Variants in ANKS1A observed in about 807,000 individuals in gnomAD.
The protein encoded by ANKS1A is ankyrin repeat and sterile alpha motif domain containing 1A, also known as ankyrin repeat and SAM domain-containing protein 1A.
In ANKS1A, 55 loss-of-function variants were observed where a neutral mutation model predicts 120.3. The ratio of observed to expected loss-of-function variants is 0.46; its 90% CI spans 0.37 to 0.57. The LOEUF is 0.57. ANKS1A is among the 20% of genes least tolerant of loss of function. The probability of loss-of-function intolerance (pLI) is 0.00; values close to 1 mark genes in which losing one functional copy is unlikely to be tolerated. For missense variants in ANKS1A, 1,123 were observed against 1,480.3 expected (o/e 0.76, Z 3.96); for synonymous variants, 590 against 604.7 (o/e 0.98, Z 0.36).
intron 13 of ANKS1A, among the ~76,000 whole-genome samples, chr6:35,072,898 G>A (rs1276115833): frequency 6.6e-6 from 1 of 152,172 alleles, no homozygotes; most frequent in Non-Finnish European, 1.5e-5. Context: ...CTTTGCTTTT[G>A]TCTTCAGTAC....
intron 8 of ANKS1A, among the ~76,000 whole-genome samples, chr6:34,987,591 G>A (rs948822396): frequency 6.6e-6 from 1 of 152,156 alleles, no homozygotes; most frequent in African/African-American, 2.4e-5. Flanking sequence ...AGCTTTGTTT[G>A]GCTTGAACAT....
At chr6:34,927,458 G>T (rs1368524927) in intron 1 of ANKS1A, among the ~76,000 whole-genome samples, 1 of 152,146 alleles carries the variant, frequency 6.6e-6, no homozygotes, top group African/African-American at 2.4e-5. Flanking sequence ...TTTATACAGG[G>T]GCACCAGATG....
intron 1 of ANKS1A, among the ~76,000 whole-genome samples, chr6:34,912,519 A>G (rs766086864): frequency 1.3e-5 from 2 of 152,210 alleles, no homozygotes; most frequent in Non-Finnish European, 2.9e-5. Context: ...GTTCAACAGC[A>G]CACTGTTGGG....
Position 35,017,467 on chromosome 6 carries a change from T to TCCAAGA in ANKS1A, c.1424-2_1427dup, listed in dbSNP as rs756971486. 6.3e-7 allele frequency: 1 copy of TCCAAGA among 1,596,982 alleles called. No homozygotes were observed. ...TTTATTTCTCTGTCTCTCCGTCCAC[T>TCCAAGA]CCAAGACCACAGGCGGAGCAGCAGC... On this transcript the variant is annotated splice_polypyrimidine_tract_variant and splice_region_variant and intron_variant, in intron 10 of 23. Transcript: ENST00000360359.
At chr6:35,045,983 C>T (rs1196551297) in intron 11 of ANKS1A, among the ~76,000 whole-genome samples, 1 of 152,198 alleles carries the variant, frequency 6.6e-6, no homozygotes, top group African/African-American at 2.4e-5. Context: ...GTTCACATAG[C>T]TTTCACATAC....
chr6:35,087,416 C>T (rs1016174618), intron 23 of ANKS1A, among the ~76,000 whole-genome samples: 10 of 152,216 alleles, frequency 6.6e-5, no homozygotes, highest in East Asian at 3.9e-4. Context: ...AGGATCCCAA[C>T]GGCACTGATA....
At chr6:35,015,023 C>T (rs547912740) in intron 10 of ANKS1A, among the ~76,000 whole-genome samples, 2 of 152,302 alleles carry the variant, frequency 1.3e-5, no homozygotes, top group Admixed American at 6.5e-5. Flanking sequence ...AGCCATGAGT[C>T]GTGGCTTCCT....
Position 35,086,142 on chromosome 6 carries a change from C to T in ANKS1A, c.3303+206C>T, listed in dbSNP as rs539358376. On this transcript the variant is annotated intron_variant, in intron 22 of 23. Transcript: ENST00000360359. This position sits in a 1 kb window ranked among gnomAD's most constrained non-coding sequence, Gnocchi z 5.1. ...CTGGCCTGGGCGGGCCTCTCATGCT[C>T]CTGTTTCCCTCCCTCGCTGGGCTCC... The T allele has an allele frequency of 4.9e-5, 58 of 1,182,232 alleles. No homozygotes were observed. The African/African-American group carries it at 6.7e-4, about 14-fold the overall frequency. 73.2% of individuals were successfully genotyped at this position (1,182,232 alleles called of 1,614,324 possible).
chr6:34,930,967 C>T (rs847856), intron 1 of ANKS1A, among the ~76,000 whole-genome samples: 2 of 151,290 alleles, frequency 1.3e-5, no homozygotes, highest in South Asian at 4.2e-4. Context: ...ACCTCTGCCC[C>T]CTGGGTTCAA....
intron 11 of ANKS1A, among the ~76,000 whole-genome samples, chr6:35,037,107 T>C (rs904452692): frequency 6.6e-6 from 1 of 152,362 alleles, no homozygotes; most frequent in South Asian, 2.1e-4. Flanking sequence ...AAGTTTTATC[T>C]GACATATTTA....
At chr6:34,915,521 A>T (rs953648536) in intron 1 of ANKS1A, among the ~76,000 whole-genome samples, 24 of 151,702 alleles carry the variant, frequency 1.6e-4, no homozygotes, top group African/African-American at 5.1e-4. Context: ...TAATTTTTAA[A>T]TTTTTTCTAG....
At chr6:35,049,532 G>C (rs1476393061) in intron 11 of ANKS1A, among the ~76,000 whole-genome samples, 1 of 152,202 alleles carries the variant, frequency 6.6e-6, no homozygotes. Context: ...GAAGAGGCGA[G>C]GTGGAAGGTG....
At chr6:35,093,996 G>C (rs911760259), downstream of ANKS1A, among the ~76,000 whole-genome samples, 2 of 152,204 alleles carry the variant, frequency 1.3e-5, no homozygotes, top group Non-Finnish European at 2.9e-5. Flanking sequence ...GGAGTCAGTG[G>C]AAACTACAGG....
rs200293228 is a variant in ANKS1A, at chr6:34,983,121, G to A, written c.817G>A (p.Val273Ile). ...CTGGTGTGCCTTTCTAGGAACTGAC[G>A]TCAACATAAAAGATAACCATGGACT... ...VQILLAAGTDVNIKDNHGLTA... is the reference protein window; with the variant it reads ...VQILLAAGTDINIKDNHGLTA... The change falls in exon 6 of 24, where the codon GTC (valine) becomes ATC (isoleucine). Residue 273 changes from valine to isoleucine, a missense_variant. Val to Ile is a conservative substitution (Grantham distance 29, BLOSUM62 3). This residue lies in a region of ANKS1A where 904 missense variants were observed against 1,130.4 expected (regional missense o/e 0.80). Transcript: ENST00000360359. 30 of 1,613,984 alleles carry A rather than the reference G, an allele frequency of 1.9e-5. No homozygotes were observed. The highest frequency in any genetic ancestry group is 4.5e-5 in the East Asian group (2 of 44,876).
intron 11 of ANKS1A, among the ~76,000 whole-genome samples, chr6:35,048,177 G>A (rs1178310972): frequency 6.6e-6 from 1 of 152,232 alleles, no homozygotes; most frequent in Non-Finnish European, 1.5e-5. Context: ...TGTCAGGGAA[G>A]ACGGACAAAG....
intron 1 of ANKS1A, among the ~76,000 whole-genome samples, chr6:34,948,616 C>T (rs1457626526): frequency 6.6e-6 from 1 of 152,170 alleles, no homozygotes; most frequent in Admixed American, 6.5e-5. Flanking sequence ...CCTCAAAGTG[C>T]TCTAGCTTCC....
At chr6:35,004,426 C>G (rs555572096) in intron 10 of ANKS1A, among the ~76,000 whole-genome samples, 52 of 152,116 alleles carry the variant, frequency 3.4e-4, no homozygotes, top group African/African-American at 1.2e-3. Context: ...AGCTGGAGAC[C>G]AGCCAGAACA....
intron 11 of ANKS1A, among the ~76,000 whole-genome samples, chr6:35,026,875 T>C (rs770072358): frequency 6.6e-6 from 1 of 152,164 alleles, no homozygotes; most frequent in African/African-American, 2.4e-5. Context: ...TTTTAAGCTG[T>C]TGGGTGCATG....
intron 13 of ANKS1A, among the ~76,000 whole-genome samples, chr6:35,069,511 T>C (rs999182011): frequency 2.6e-5 from 4 of 152,052 alleles, no homozygotes; most frequent in African/African-American, 9.7e-5. Flanking sequence ...GCAAGGCACT[T>C]AGCTAGTGCC....
Sources: allele counts gnomAD v4.1 joint callset (sites outside exome capture counted in the v4.1 genomes callset), GRCh38; gene constraint gnomAD v4.1.1; regional missense constraint gnomAD v4.1.1; non-coding constraint Gnocchi (gnomAD v3.1); transcripts MANE v1.5; gene names NCBI Gene and HGNC (gene_info 2026-07-23, HGNC 2026-07-21).